Variants in PARVA observed in about 807,000 individuals in gnomAD.
PARVA encodes the protein alpha-parvin.
Under a neutral mutation model 52.6 loss-of-function variants are expected in PARVA, and 25 were observed. The ratio of observed to expected loss-of-function variants is 0.48; its 90% CI spans 0.35 to 0.66. PARVA has a LOEUF of 0.66. Among genes scored for constraint, PARVA ranks in the 30% least tolerant of loss-of-function variants. The pLI is 0.01. For missense variants in PARVA, 373 were observed against 450.9 expected, an observed-to-expected ratio of 0.83 and a Z score of 1.56; for synonymous variants, 185 against 179.1, an observed-to-expected ratio of 1.03 and a Z score of -0.26.
In PARVA at chr11:12,443,169, C is replaced by CTTTTTTTT. The variant is rs1180380526; in HGVS notation, c.137-30562_137-30555dup. The stretch of plus-strand genomic sequence containing the variant: ...AGCCACCATGCCCGGCGCCCCCCTT[C>CTTTTTTTT]TTTTTTTTTTTTTTTTTTTTTGAGA... On this transcript the variant is annotated intron_variant, in intron 1 of 12. Coordinates refer to ENST00000334956, the MANE Select transcript of PARVA (RefSeq NM_018222.5). 7.7e-3 allele frequency among the ~76,000 whole-genome samples: 601 copies of CTTTTTTTT among 78,308 alleles called. 43 individuals carry two copies. The highest frequency in any genetic ancestry group is 0.023 in the Middle Eastern group (1 of 44). 51.4% of individuals were successfully genotyped at this position (78,308 alleles called of 152,430 possible).
chr11:12,525,309 T>A (rs1331122622), intron 12 of PARVA, among the ~76,000 whole-genome samples: 1 of 152,042 alleles, frequency 6.6e-6, no homozygotes, highest in Admixed American at 6.5e-5. Flanking sequence ...GCCCTGGAAG[T>A]GTGAATGATG....
chr11:12,505,800 C>T (rs1941425195), intron 6 of PARVA, among the ~76,000 whole-genome samples: 2 of 152,098 alleles, frequency 1.3e-5, no homozygotes, highest in Non-Finnish European at 2.9e-5. Context: ...TTATTTTTAC[C>T]AATCAATGAT....
chr11:12,434,042 C>G (rs1271697048), intron 1 of PARVA, among the ~76,000 whole-genome samples: 1 of 152,194 alleles, frequency 6.6e-6, no homozygotes, highest in Non-Finnish European at 1.5e-5. Context: ...GCTTGCCTTA[C>G]CTCGATGGCT....
At chr11:12,386,809 C>T (rs1939578259) in intron 1 of PARVA, among the ~76,000 whole-genome samples, 1 of 152,194 alleles carries the variant, frequency 6.6e-6, no homozygotes. Context: ...TTTCACCCAG[C>T]TTCTCTCAAA....
chr11:12,482,540 C>A (rs565859285), intron 4 of PARVA, among the ~76,000 whole-genome samples: 1 of 151,564 alleles, frequency 6.6e-6, no homozygotes, highest in African/African-American at 2.4e-5. Context: ...GCAGGAGAAT[C>A]GCTTGAACCC....
At chr11:12,482,194 T>C (rs989997991) in intron 4 of PARVA, among the ~76,000 whole-genome samples, 7 of 147,974 alleles carry the variant, frequency 4.7e-5, no homozygotes, top group African/African-American at 7.5e-5. Flanking sequence ...AAAAAGGACA[T>C]GGAATCCAGG....
At chr11:12,467,870 C>T (rs1337536601) in intron 1 of PARVA, among the ~76,000 whole-genome samples, 1 of 152,092 alleles carries the variant, frequency 6.6e-6, no homozygotes, top group African/African-American at 2.4e-5. Context: ...AATTCAAGAC[C>T]CTAACACTCT....
At chr11:12,469,247 A>G (rs1390371224) in intron 1 of PARVA, among the ~76,000 whole-genome samples, 1 of 152,170 alleles carries the variant, frequency 6.6e-6, no homozygotes, top group East Asian at 1.9e-4. Flanking sequence ...TCTTCTGCTC[A>G]TGTGGCCTCA....
intron 1 of PARVA, among the ~76,000 whole-genome samples, chr11:12,382,860 A>G (rs1939512751): frequency 6.6e-6 from 1 of 152,246 alleles, no homozygotes; most frequent in Non-Finnish European, 1.5e-5. Context: ...TGAGGTTTAA[A>G]TGAGATCGAG....
chr11:12,410,326 C>T (rs1939975602), intron 1 of PARVA, among the ~76,000 whole-genome samples: 4 of 152,230 alleles, frequency 2.6e-5, no homozygotes, highest in Admixed American at 1.3e-4. Context: ...CCCCTGCCTA[C>T]CCCAGGCCAC....
intron 1 of PARVA, among the ~76,000 whole-genome samples, chr11:12,383,861 T>G (rs539012904): frequency 2.8e-4 from 42 of 152,312 alleles, no homozygotes; most frequent in African/African-American, 8.9e-4. Flanking sequence ...AGTGGACTCT[T>G]GAAATTCAAA....
intron 9 of PARVA, 158 bp downstream of exon 9, chr11:12,513,518 C>A: frequency 1.3e-6 from 1 of 750,572 alleles, no homozygotes. Context: ...ATGTACCTGT[C>A]TGTTCCTCAC....
intron 1 of PARVA, among the ~76,000 whole-genome samples, chr11:12,410,576 T>C (rs1450670624): frequency 6.6e-6 from 1 of 152,222 alleles, no homozygotes; most frequent in Non-Finnish European, 1.5e-5. Context: ...TCATTCTCTC[T>C]CGTTGCTTCT....
chr11:12,511,011 C>CCCTG (rs1941496524), intron 7 of PARVA, among the ~76,000 whole-genome samples: 2 of 152,126 alleles, frequency 1.3e-5, no homozygotes, highest in Non-Finnish European at 2.9e-5. Context: ...AGAAAACCTA[C>CCCTG]CCTGGGTCAA....
At chr11:12,416,367 C>A (rs1406945114) in intron 1 of PARVA, among the ~76,000 whole-genome samples, 1 of 152,182 alleles carries the variant, frequency 6.6e-6, no homozygotes, top group South Asian at 2.1e-4. Context: ...TAGAACAGCC[C>A]CTCTGGTGGA....
intron 5 of PARVA, among the ~76,000 whole-genome samples, chr11:12,502,684 A>T (rs917253457): frequency 1.3e-5 from 2 of 152,222 alleles, no homozygotes; most frequent in African/African-American, 4.8e-5. Context: ...TGATAGGGGC[A>T]CACAAATGTT....
At chr11:12,382,973 T>C (rs1939514877) in intron 1 of PARVA, among the ~76,000 whole-genome samples, 2 of 152,236 alleles carry the variant, frequency 1.3e-5, no homozygotes, top group African/African-American at 4.8e-5. Context: ...TATTATGGAC[T>C]GCACTGGCTT....
At chr11:12,449,648 G>C (rs1940597670) in intron 1 of PARVA, among the ~76,000 whole-genome samples, 1 of 152,150 alleles carries the variant, frequency 6.6e-6, no homozygotes, top group Admixed American at 6.5e-5. Flanking sequence ...TTCTCCATGG[G>C]GGTGACTTTG....
intron 1 of PARVA, among the ~76,000 whole-genome samples, chr11:12,390,224 A>C (rs1270114319): frequency 6.6e-6 from 1 of 152,196 alleles, no homozygotes; most frequent in African/African-American, 2.4e-5. Context: ...CCAATTCAAA[A>C]CGATTATTCT....
Sources: allele counts gnomAD v4.1 joint callset (sites outside exome capture counted in the v4.1 genomes callset), GRCh38; gene constraint gnomAD v4.1.1; transcripts MANE v1.5; gene names NCBI Gene and HGNC (gene_info 2026-07-23, HGNC 2026-07-21).